AVEN: variants seen among roughly 807,000 people sequenced by gnomAD.
The protein encoded by AVEN is cell death regulator Aven.
A neutral mutation model predicts 38.1 loss-of-function variants in AVEN; 41 were observed. The ratio of observed to expected loss-of-function variants is 1.08; its 90% CI spans 0.84 to 1.40. The LOEUF (loss-of-function observed/expected upper bound fraction) is 1.40, where lower values mean the gene tolerates loss of function less well. Among genes scored for constraint, AVEN ranks in the 40% most tolerant of loss-of-function variants. AVEN has a pLI of 0.00. For missense variants in AVEN, 605 were observed against 438.8 expected, an observed-to-expected ratio of 1.38 and a Z score of -3.38; for synonymous variants, 206 against 171.8, an observed-to-expected ratio of 1.20 and a Z score of -1.56.
intron 2 of AVEN, among the ~76,000 whole-genome samples, chr15:33,882,830 G>A (rs1488609211): frequency 6.6e-6 from 1 of 152,140 alleles, no homozygotes; most frequent in Non-Finnish European, 1.5e-5. Flanking sequence ...CTGACATCAT[G>A]CCACTGCACT....
At chr15:34,059,927 C>T (rs1250894932) in intron 5 of AVEN, among the ~76,000 whole-genome samples, 1 of 152,086 alleles carries the variant, frequency 6.6e-6, no homozygotes, top group Non-Finnish European at 1.5e-5. Flanking sequence ...TCCATGGTAT[C>T]GCCAGCATTA....
intron 2 of AVEN, among the ~76,000 whole-genome samples, chr15:33,949,110 G>A (rs2702312): frequency 0.68 from 103,573 of 152,014 alleles, 38,054 homozygotes; most frequent in Non-Finnish European, 0.82. Flanking sequence ...TGCAACCTCC[G>A]CTTCCCAGGT....
At chr15:33,877,455 G>A (rs7170929) in intron 2 of AVEN, among the ~76,000 whole-genome samples, 4,513 of 152,282 alleles carry the variant, frequency 0.03, 239 homozygotes, top group African/African-American at 0.1. Flanking sequence ...TCAGAAAGGT[G>A]GCCCAGTTAT....
At chr15:33,937,953 AAAAAAG>A (rs1302380907) in intron 2 of AVEN, among the ~76,000 whole-genome samples, 1 of 150,154 alleles carries the variant, frequency 6.7e-6, no homozygotes, top group African/African-American at 2.4e-5. Flanking sequence ...AAAAAAAAAA[AAAAAAG>A]AAAGAGAAAA....
downstream of AVEN, among the ~76,000 whole-genome samples, chr15:33,863,879 T>C (rs952619906): frequency 3.9e-5 from 6 of 152,220 alleles, no homozygotes; most frequent in African/African-American, 1.4e-4. Context: ...AAATGCTACC[T>C]TGCAAGTGAT....
downstream of AVEN, among the ~76,000 whole-genome samples, chr15:33,863,470 C>T (rs1889265282): frequency 6.6e-6 from 1 of 152,174 alleles, no homozygotes; most frequent in Admixed American, 6.5e-5. Flanking sequence ...ACCAACTTCA[C>T]AATCCTTTTC....
chr15:33,927,618 G>A (rs687613), intron 2 of AVEN, among the ~76,000 whole-genome samples: 94,477 of 151,902 alleles, frequency 0.62, 30,010 homozygotes, highest in East Asian at 0.75. Context: ...CCCTTCCAAG[G>A]CCTTGGGAGG....
chr15:34,049,086 A>T (rs948316823), intron 5 of AVEN, among the ~76,000 whole-genome samples: 1 of 152,246 alleles, frequency 6.6e-6, no homozygotes, highest in Admixed American at 6.5e-5. Context: ...AGATAAGCCC[A>T]CAAAGATGAG....
chr15:33,894,820 A>T (rs1482026924), intron 2 of AVEN, among the ~76,000 whole-genome samples: 1,244 of 16,238 alleles, frequency 0.077, 17 homozygotes, highest in East Asian at 0.15. Flanking sequence ...AAAAAAAAAA[A>T]AATAATAACA....
At chr15:33,912,706 CACA>C (rs1442909898) in intron 2 of AVEN, among the ~76,000 whole-genome samples, 1 of 152,116 alleles carries the variant, frequency 6.6e-6, no homozygotes, top group African/African-American at 2.4e-5. Flanking sequence ...AATCAATTGT[CACA>C]AGACTGGTGA....
Position 33,942,382 on chromosome 15 carries a change from C to T in AVEN, c.445+60650G>A, listed in dbSNP as rs56203079. 5.8e-3 allele frequency among the ~76,000 whole-genome samples: 886 copies of T among 152,214 alleles called. 13 individuals are homozygous for T. The highest frequency in any genetic ancestry group is 0.02 in the African/African-American group (810 of 41,534). On this transcript the variant is annotated intron_variant, in intron 2 of 5. Coordinates refer to ENST00000306730, the MANE Select transcript of AVEN (RefSeq NM_020371.3). ...TCAAGACGTCTGTCTACTCAACAAC[C>T]GTGGTACTAAGTATTTAAATGAAGT...
chr15:33,860,763 G>T, intron 11 of AVEN: 1 of 896,652 alleles, frequency 1.1e-6, no homozygotes, highest in South Asian at 1.7e-5. Flanking sequence ...CCAGTACTAA[G>T]CAAGAACGCA....
intron 2 of AVEN, among the ~76,000 whole-genome samples, chr15:33,984,765 C>T (rs1009711447): frequency 1.3e-5 from 2 of 152,076 alleles, no homozygotes; most frequent in Non-Finnish European, 2.9e-5. Context: ...CCCAGGACTT[C>T]GGTCTTTAAA....
At chr15:33,901,146 A>G (rs1892483663) in intron 2 of AVEN, among the ~76,000 whole-genome samples, 2 of 152,180 alleles carry the variant, frequency 1.3e-5, no homozygotes, top group Non-Finnish European at 2.9e-5. Flanking sequence ...AGGCGCCTGT[A>G]GTCACAGCTA....
intron 2 of AVEN, 121 bp downstream of exon 2, chr15:34,002,911 T>C: frequency 1.0e-6 from 1 of 972,370 alleles, no homozygotes; most frequent in Non-Finnish European, 1.5e-6. Flanking sequence ...TTTACTTGAA[T>C]TAAAAATCCA....
At chr15:33,951,427 G>A (rs1443603289) in intron 2 of AVEN, among the ~76,000 whole-genome samples, 1 of 151,806 alleles carries the variant, frequency 6.6e-6, no homozygotes, top group African/African-American at 2.4e-5. Context: ...GTGGGGGAGG[G>A]AGGAGGGATA....
chr15:33,903,681 G>C (rs1487881737), intron 2 of AVEN, among the ~76,000 whole-genome samples: 1 of 152,118 alleles, frequency 6.6e-6, no homozygotes, highest in East Asian at 1.9e-4. Flanking sequence ...GATCTTAACT[G>C]AATCTGAAAA....
At chr15:33,986,394 C>T (rs1987381) in intron 2 of AVEN, among the ~76,000 whole-genome samples, 142,039 of 151,980 alleles carry the variant, frequency 0.93, 66,983 homozygotes, top group Non-Finnish European at 1. Flanking sequence ...CAGGCGTAAG[C>T]CACCGCGCCC....
intron 2 of AVEN, among the ~76,000 whole-genome samples, chr15:33,956,323 C>T (rs1894952316): frequency 6.6e-6 from 1 of 152,362 alleles, no homozygotes; most frequent in South Asian, 2.1e-4. Context: ...TCTTCTCCAA[C>T]ACTGCGCATC....
Sources: allele counts gnomAD v4.1 joint callset (sites outside exome capture counted in the v4.1 genomes callset), GRCh38; gene constraint gnomAD v4.1.1; transcripts MANE v1.5; gene names NCBI Gene and HGNC (gene_info 2026-07-23, HGNC 2026-07-21).